The following CES5A variants were observed in gnomAD, a reference collection of about 807,000 sequenced individuals.
The protein encoded by CES5A is carboxylesterase 5A, also known as carboxylesterase 5.
Under a neutral mutation model 62.9 loss-of-function variants are expected in CES5A, and 67 were observed. The observed-to-expected ratio is 1.07, with a 90% confidence interval of 0.88 to 1.31. CES5A has a LOEUF of 1.31. Ranked by LOEUF, CES5A falls within the 50% of genes most tolerant of loss-of-function variation. The pLI, the probability that CES5A is intolerant of heterozygous loss-of-function variation, is 0.00. For synonymous variants in CES5A, 296 were observed against 280.8 expected (o/e 1.05, Z -0.54); for missense variants, 748 against 708.5 (o/e 1.06, Z -0.63).
upstream of CES5A, among the ~76,000 whole-genome samples, chr16:55,879,115 C>T (rs1317017652): frequency 1.3e-5 from 2 of 150,410 alleles, no homozygotes; most frequent in African/African-American, 4.9e-5. Context: ...CCACTGCACC[C>T]CACCACTGCA....
At chr16:55,899,708 G>A (rs1203802493) in intron 1 of CES5A, among the ~76,000 whole-genome samples, 4 of 152,270 alleles carry the variant, frequency 2.6e-5, no homozygotes, top group East Asian at 3.9e-4. Context: ...GAAGATATTC[G>A]ATAGTCACAG....
At chr16:55,866,550 C>T (rs372331577) in intron 4 of CES5A, among the ~76,000 whole-genome samples, 3 of 150,930 alleles carry the variant, frequency 2.0e-5, no homozygotes, top group Admixed American at 6.6e-5. Context: ...AGGCCAGGCA[C>T]GGTGGCTCAT....
At chr16:55,933,456 T>C (rs1406863618) in intron 2 of CES5A, among the ~76,000 whole-genome samples, 1 of 152,164 alleles carries the variant, frequency 6.6e-6, no homozygotes, top group Admixed American at 6.5e-5. Context: ...TCATTAGCAA[T>C]TGGGTGTAGA....
At chr16:55,847,153 T>C (rs1028426829) in intron 11 of CES5A, among the ~76,000 whole-genome samples, 3 of 152,082 alleles carry the variant, frequency 2.0e-5, no homozygotes, top group Admixed American at 6.5e-5. Flanking sequence ...TCTCTGTCTC[T>C]GTTTTCTCCT....
At chr16:55,888,262 C>G (rs1475652546) in intron 1 of CES5A, among the ~76,000 whole-genome samples, 1 of 152,100 alleles carries the variant, frequency 6.6e-6, no homozygotes, top group East Asian at 1.9e-4. Flanking sequence ...TTCATGTTGA[C>G]AAATTTCACC....
intron 1 of CES5A, among the ~76,000 whole-genome samples, chr16:55,881,978 G>C (rs2033766453): frequency 6.6e-6 from 1 of 152,130 alleles, no homozygotes; most frequent in South Asian, 2.1e-4. Flanking sequence ...ATGGCTAATA[G>C]GTCATGGTAA....
chr16:55,955,966 T>G, exon 1 of CES5A: 1 of 1,410,490 alleles, frequency 7.1e-7, no homozygotes, highest in Non-Finnish European at 9.7e-7. Context: ...TTGCACATCA[T>G]GTACATGGTA....
chr16:55,918,631 G>A (rs2034171211), intron 1 of CES5A, among the ~76,000 whole-genome samples: 1 of 152,144 alleles, frequency 6.6e-6, no homozygotes, highest in Non-Finnish European at 1.5e-5. Flanking sequence ...TTTCAATGGG[G>A]AAAAGAAGGC....
chr16:55,853,832 G>T (rs576878781), intron 9 of CES5A, among the ~76,000 whole-genome samples: 2 of 152,296 alleles, frequency 1.3e-5, no homozygotes, highest in East Asian at 3.9e-4. Context: ...GGGATCCGGT[G>T]CTCTAGGAAA....
intron 1 of CES5A, among the ~76,000 whole-genome samples, chr16:55,954,967 C>T (rs1161924038): frequency 3.9e-5 from 6 of 152,142 alleles, no homozygotes; most frequent in Non-Finnish European, 1.5e-5. Flanking sequence ...CTTCTCTGGA[C>T]CTTAGCTTCT....
At chr16:55,942,388 C>A (rs1453649895) in intron 2 of CES5A, among the ~76,000 whole-genome samples, 1 of 151,998 alleles carries the variant, frequency 6.6e-6, no homozygotes, top group Non-Finnish European at 1.5e-5. Context: ...GGCAAGCTAC[C>A]TTTTTTAAAC....
intron 1 of CES5A, among the ~76,000 whole-genome samples, chr16:55,914,540 C>A (rs2034125873): frequency 6.6e-6 from 1 of 152,198 alleles, no homozygotes. Context: ...CAGGAACCAA[C>A]CAGTTCTCTG....
At chr16:55,899,250 C>T (rs2033965163) in intron 1 of CES5A, among the ~76,000 whole-genome samples, 1 of 152,082 alleles carries the variant, frequency 6.6e-6, no homozygotes, top group Non-Finnish European at 1.5e-5. Flanking sequence ...TGGACAGGTC[C>T]CTTTCAGGAT....
At chr16:55,917,840 T>A (rs1177886505) in intron 1 of CES5A, among the ~76,000 whole-genome samples, 1 of 152,154 alleles carries the variant, frequency 6.6e-6, no homozygotes, top group East Asian at 1.9e-4. Context: ...ATGAAGTATG[T>A]CCACAACAGA....
intron 2 of CES5A, 93 bp downstream of exon 2, chr16:55,873,740 G>T: frequency 1.7e-6 from 2 of 1,174,036 alleles, no homozygotes; most frequent in Non-Finnish European, 2.4e-6. Flanking sequence ...CCCCATCCAT[G>T]CCAATCCCTC....
chr16:55,892,961 G>A (rs9889080), intron 1 of CES5A, among the ~76,000 whole-genome samples: 20,257 of 152,086 alleles, frequency 0.13, 1,506 homozygotes, highest in South Asian at 0.17. Context: ...CAGGGACAAG[G>A]AAAAATCACC....
chr16:55,871,819 G>T, intron 2 of CES5A, 56 bp from the exon 3 acceptor site: 1 of 1,594,558 alleles, frequency 6.3e-7, no homozygotes, highest in Non-Finnish European at 8.6e-7. Flanking sequence ...ACTTGCCTGG[G>T]AAGGGCCAGT....
intron 4 of CES5A, 30 bp downstream of exon 4, chr16:55,869,581 C>G (rs1185248537): frequency 1.2e-6 from 2 of 1,609,748 alleles, no homozygotes; most frequent in Non-Finnish European, 8.5e-7. Flanking sequence ...CTTTGGGGAT[C>G]TGGGATGTCC....
At position 55,924,805 on chromosome 16, in the gene CES5A, G is replaced by C. The variant is rs572198023; in HGVS notation, c.-256+518C>G. ...ACAATAAATGATGCTGGGAAAACTG[G>C]ATATCTACATGCAGAAGAATGAAAC... is the stretch of plus-strand genomic sequence containing the variant. On this transcript the variant is annotated intron_variant, in intron 1 of 12. Transcript: ENST00000518005. Among the ~76,000 whole-genome samples the C allele has an allele frequency of 4.0e-5, 6 of 151,882 alleles. No homozygotes were observed. The South Asian group carries it at 1.2e-3, about 31-fold the overall frequency.
Sources: allele counts gnomAD v4.1 joint callset (sites outside exome capture counted in the v4.1 genomes callset), GRCh38; gene constraint gnomAD v4.1.1; transcripts MANE v1.5; gene names NCBI Gene and HGNC (gene_info 2026-07-23, HGNC 2026-07-21).